CEP85L: variants seen among roughly 807,000 people sequenced by gnomAD.
CEP85L encodes centrosomal protein of 85 kDa-like.
In CEP85L, 60 loss-of-function variants were observed where a neutral mutation model predicts 100.3. The observed-to-expected ratio is 0.60, with a 90% CI of 0.49 to 0.74. The LOEUF is 0.74. Ranked by LOEUF, CEP85L falls within the 30% of genes least tolerant of loss-of-function variation. The pLI, the probability that CEP85L is intolerant of heterozygous loss-of-function variation, is 0.00. For synonymous variants in CEP85L, 319 were observed against 322.7 expected, an observed-to-expected ratio of 0.99 and a Z score of 0.12; for missense variants, 973 against 936.2, an observed-to-expected ratio of 1.04 and a Z score of -0.51.
Position 118,480,511 on chromosome 6 carries a change from A to T in CEP85L, c.1748T>A (p.Leu583Ter). The change falls in exon 9 of 13, where the codon TTG becomes TAG. Residue 583 changes from leucine to a stop codon, truncating the protein, a stop_gained and splice_region_variant. Transcript: ENST00000368491. LOFTEE classifies it high-confidence loss of function. ...EKELVTTVQS[L>*]QQKVERCLED... ...AAGGCATCTTTCTACTTTTTGTTGC[A>T]AACTATTTCAAAAGACAATTATATG... 6.3e-7 allele frequency: 1 copy of T among 1,586,396 alleles called. No homozygotes were observed. Among genetic ancestry groups the T allele is most frequent in the Non-Finnish European group, 8.6e-7 (1 of 1,157,946 alleles).
intron 3 of CEP85L, among the ~76,000 whole-genome samples, chr6:118,540,822 C>A (rs1445885762): frequency 6.6e-6 from 1 of 152,030 alleles, no homozygotes; most frequent in Non-Finnish European, 1.5e-5. Context: ...TGCGGTCTAG[C>A]CTCATTTCAG....
intron 1 of CEP85L, among the ~76,000 whole-genome samples, chr6:118,695,882 A>T (rs1188338773): frequency 6.6e-6 from 1 of 152,224 alleles, no homozygotes; most frequent in Non-Finnish European, 1.5e-5. Context: ...GACAACAGCA[A>T]CAAACTGGAA....
chr6:118,499,489 C>A (rs1175636255), intron 5 of CEP85L, among the ~76,000 whole-genome samples: 1 of 151,898 alleles, frequency 6.6e-6, no homozygotes, highest in Non-Finnish European at 1.5e-5. Flanking sequence ...TAGGGTGAAA[C>A]CCCGTCTCTA....
intron 1 of CEP85L, among the ~76,000 whole-genome samples, chr6:118,707,223 C>T (rs1474800905): frequency 7.0e-6 from 1 of 143,742 alleles, no homozygotes; most frequent in African/African-American, 2.6e-5. Flanking sequence ...GAGACAGGCT[C>T]TTACTCTGTC....
chr6:118,702,268 T>G (rs1777439766), intron 1 of CEP85L, among the ~76,000 whole-genome samples: 1 of 152,166 alleles, frequency 6.6e-6, no homozygotes, highest in Admixed American at 6.5e-5. Context: ...CCCAGCACTT[T>G]GGGAGGCTGA....
intron 5 of CEP85L, among the ~76,000 whole-genome samples, chr6:118,504,077 A>C (rs1775487472): frequency 6.6e-6 from 1 of 152,150 alleles, no homozygotes; most frequent in African/African-American, 2.4e-5. Context: ...TGTTATCCAA[A>C]ATGTACAAAT....
chr6:118,524,541 G>A (rs1423762599), intron 3 of CEP85L, among the ~76,000 whole-genome samples: 1 of 152,224 alleles, frequency 6.6e-6, no homozygotes, highest in Admixed American at 6.5e-5. Flanking sequence ...TAATCATTAA[G>A]GGAGTAATAC....
chr6:118,708,835 TAA>T lies in CEP85L; in HGVS notation c.-28+1199_-28+1200del, dbSNP rs1391845326. Reference sequence around the variant, plus strand: ...AGAAAGACTGGTCAAATAGGGGTTCTAAATCCTGTTAACCTCACTTTAACCCT... The same window carrying T: ...AGAAAGACTGGTCAAATAGGGGTTCTATCCTGTTAACCTCACTTTAACCCT... On this transcript the variant is annotated intron_variant, in intron 1 of 13. Coordinates refer to the CEP85L transcript ENST00000368488. 1.8e-3 allele frequency among the ~76,000 whole-genome samples: 279 copies of T among 152,336 alleles called. 2 individuals are homozygous for T. The highest frequency in any genetic ancestry group is 6.4e-3 in the African/African-American group (268 of 41,574).
chr6:118,513,680 A>T lies in CEP85L; in HGVS notation c.1140-2265T>A, dbSNP rs148525979. 3.7e-4 allele frequency among the ~76,000 whole-genome samples: 56 copies of T among 152,248 alleles called. 1 individual carries two copies. The Middle Eastern group carries it at 0.01, about 28-fold the overall frequency. ...TCACCCACAGAAAATATTTTTTTAAAGGTTAAATAAAGATCTTTTTTGGAA... is the reference window on the plus strand; with the variant it reads ...TCACCCACAGAAAATATTTTTTTAATGGTTAAATAAAGATCTTTTTTGGAA... On this transcript the variant is annotated intron_variant, in intron 4 of 12. Coordinates refer to ENST00000368491, the MANE Select transcript of CEP85L (RefSeq NM_001042475.3).
chr6:118,537,955 T>C (rs1243335730), intron 3 of CEP85L: 1 of 925,312 alleles, frequency 1.1e-6, no homozygotes, highest in East Asian at 1.2e-4. Context: ...AACTAAAAAG[T>C]AAATAAATTC....
At chr6:118,480,745 G>C (rs1214359353) in intron 8 of CEP85L, among the ~76,000 whole-genome samples, 2 of 152,248 alleles carry the variant, frequency 1.3e-5, no homozygotes, top group East Asian at 1.9e-4. Context: ...TTTGAGACCA[G>C]AGTCCAGAGT....
At chr6:118,541,866 T>C (rs1363865168) in intron 3 of CEP85L, among the ~76,000 whole-genome samples, 2 of 152,198 alleles carry the variant, frequency 1.3e-5, no homozygotes, top group African/African-American at 4.8e-5. Context: ...CAAAAATGTA[T>C]AATTTTAGCT....
chr6:118,670,124 G>T (rs1776253073), intron 1 of CEP85L, among the ~76,000 whole-genome samples: 1 of 151,842 alleles, frequency 6.6e-6, no homozygotes. Context: ...ATCAGAACGG[G>T]CAGAATATAT....
intron 2 of CEP85L, among the ~76,000 whole-genome samples, chr6:118,624,881 C>T (rs533169707): frequency 4.6e-5 from 7 of 152,224 alleles, no homozygotes; most frequent in Non-Finnish European, 8.8e-5. Context: ...GAAACTAGAC[C>T]TTTCCGGGTT....
rs139975871 is a variant in CEP85L, at chr6:118,502,898, C to T, written c.1257+8400G>A. ...AGATTTAACAGAAGATCTTGAAGAA[C>T]CTAAAAAGACACGGAGTGGACCTAG... On this transcript the variant is annotated intron_variant, in intron 5 of 12. Coordinates refer to ENST00000368491, the MANE Select transcript of CEP85L (RefSeq NM_001042475.3). 219 of 514,318 alleles carry T rather than the reference C, an allele frequency of 4.3e-4. 1 individual carries two copies. Among genetic ancestry groups the T allele is most frequent in the African/African-American group, 3.8e-3 (197 of 51,880 alleles). 31.9% of individuals were successfully genotyped at this position (514,318 alleles called of 1,614,324 possible).
At chr6:118,549,936 TA>T (rs1198033841) in intron 3 of CEP85L, among the ~76,000 whole-genome samples, 35 of 151,904 alleles carry the variant, frequency 2.3e-4, no homozygotes, top group Admixed American at 2.3e-3. Context: ...ATTTCAAATA[TA>T]ATGTGGTAGT....
At chr6:118,545,711 G>C (rs986011266) in intron 3 of CEP85L, among the ~76,000 whole-genome samples, 7 of 152,128 alleles carry the variant, frequency 4.6e-5, no homozygotes, top group African/African-American at 1.2e-4. Context: ...ATTTCATTTA[G>C]AGCTTAGTAA....
chr6:118,559,041 A>G, intron 3 of CEP85L: 1 of 1,611,386 alleles, frequency 6.2e-7, no homozygotes, highest in Non-Finnish European at 8.5e-7. Context: ...TCATCTTAAT[A>G]TGTCTCTTGC....
intron 1 of CEP85L, among the ~76,000 whole-genome samples, chr6:118,688,076 G>A (rs1472763445): frequency 6.6e-6 from 1 of 152,120 alleles, no homozygotes; most frequent in Non-Finnish European, 1.5e-5. Flanking sequence ...CACCATCTTG[G>A]AAGCGGCCCG....
Sources: allele counts gnomAD v4.1 joint callset (sites outside exome capture counted in the v4.1 genomes callset), GRCh38; gene constraint gnomAD v4.1.1; transcripts MANE v1.5; gene names NCBI Gene and HGNC (gene_info 2026-07-23, HGNC 2026-07-21).